TP73: variants seen among roughly 807,000 people sequenced by gnomAD.
TP73 encodes p53-like transcription factor.
In TP73, 25 loss-of-function variants were observed where a neutral mutation model predicts 62.5. The ratio of observed to expected loss-of-function variants is 0.40; its 90% confidence interval spans 0.29 to 0.56. The LOEUF (loss-of-function observed/expected upper bound fraction) is 0.56, where lower values mean the gene tolerates loss of function less well. Among genes scored for constraint, TP73 ranks in the 20% least tolerant of loss-of-function variants. The pLI, the probability that TP73 is intolerant of heterozygous loss-of-function variation, is 0.46. For synonymous variants in TP73, 423 were observed against 377.5 expected, an observed-to-expected ratio of 1.12 and a Z score of -1.40; for missense variants, 754 against 913.3, an observed-to-expected ratio of 0.83 and a Z score of 2.25.
At chr1:3,659,826 A>ATCACGT (rs1212202130) in intron 1 of TP73, among the ~76,000 whole-genome samples, 1 of 138,842 alleles carries the variant, frequency 7.2e-6, no homozygotes, top group African/African-American at 2.6e-5. Context: ...GGCATGCACC[A>ATCACGT]CCACTAATTT....
chr1:3,680,350 C>T (rs1176471232), intron 1 of TP73, among the ~76,000 whole-genome samples: 2 of 152,180 alleles, frequency 1.3e-5, no homozygotes, highest in African/African-American at 4.8e-5. Flanking sequence ...AGGAATGGTG[C>T]TGCTGTGAAG....
chr1:3,709,324 C>A (rs1639941292), intron 4 of TP73, among the ~76,000 whole-genome samples: 1 of 152,224 alleles, frequency 6.6e-6, no homozygotes, highest in Non-Finnish European at 1.5e-5. Flanking sequence ...GGCCTCCCAC[C>A]TCCATCTGGC....
At chr1:3,659,559 C>A (rs1457274412) in intron 1 of TP73, 1 of 152,124 alleles carries the variant, frequency 6.6e-6, no homozygotes, top group Non-Finnish European at 1.5e-5. Context: ...GATAACAAAA[C>A]CCCAAAGACG....
chr1:3,724,696 T>C (rs1049885648), intron 6 of TP73, among the ~76,000 whole-genome samples: 3 of 152,238 alleles, frequency 2.0e-5, no homozygotes, highest in Non-Finnish European at 4.4e-5. Context: ...CTGCCCACAT[T>C]GTGGTCTGGG....
intron 4 of TP73, among the ~76,000 whole-genome samples, chr1:3,721,402 T>C (rs1337424103): frequency 1.3e-5 from 2 of 152,178 alleles, no homozygotes; most frequent in African/African-American, 4.8e-5. Flanking sequence ...GCTCGGCTGC[T>C]CAGACTTGGT....
chr1:3,673,815 T>C (rs1268777653), intron 1 of TP73, among the ~76,000 whole-genome samples: 1 of 152,164 alleles, frequency 6.6e-6, no homozygotes, highest in Non-Finnish European at 1.5e-5. Flanking sequence ...TGAAGATAGA[T>C]GGACAGGCAG....
chr1:3,697,090 CACT>C (rs1369624528), intron 3 of TP73, among the ~76,000 whole-genome samples: 1 of 152,198 alleles, frequency 6.6e-6, no homozygotes, highest in East Asian at 1.9e-4. Context: ...GCCCTGGAGG[CACT>C]CTCCATGCCT....
Position 3,733,563 on chromosome 1 carries a change from A to C in TP73, c.*484A>C, listed in dbSNP as rs143136709. 1.9e-4 allele frequency: 32 copies of C among 166,348 alleles called. No individual in the cohort carries two copies. The highest frequency in any genetic ancestry group is 4.1e-4 in the Admixed American group (7 of 17,240). The allele number at this position is 166,348 out of a possible 1,614,324, so 10.3% of individuals were successfully genotyped here. On this transcript the variant is annotated 3_prime_UTR_variant, in exon 14 of 14. Transcript: ENST00000378295. ...GCAGCCAAGTGACTGTGTCTGAAAC[A>C]CCAGTGTATTTTCAGGGAATGTCCC...
intron 3 of TP73, among the ~76,000 whole-genome samples, chr1:3,695,828 T>C (rs966582051): frequency 1.3e-5 from 2 of 152,216 alleles, no homozygotes; most frequent in Non-Finnish European, 2.9e-5. Flanking sequence ...AGGAGCCGCC[T>C]GCAGGCTGGG....
chr1:3,711,829 T>C lies in TP73; in HGVS notation c.429+4038T>C, dbSNP rs1640164458. Among the ~76,000 whole-genome samples the C allele has an allele frequency of 3.5e-5, 5 of 141,656 alleles. No homozygotes were observed. The South Asian group carries it at 1.1e-3, about 32-fold the overall frequency. The allele number at this position is 141,656 out of a possible 152,430, so 92.9% of individuals were successfully genotyped here. Reference sequence around the variant, plus strand: ...GCTGCTCTCAGACTCAGCGTGTGTGTGTGCGCGAGCGTGTGTATGTGTGTG... The same window carrying C: ...GCTGCTCTCAGACTCAGCGTGTGTGCGTGCGCGAGCGTGTGTATGTGTGTG... On this transcript the variant is annotated intron_variant, in intron 4 of 13. Transcript: ENST00000378295.
At chr1:3,688,063 G>A (rs1208370719) in intron 3 of TP73, among the ~76,000 whole-genome samples, 1 of 152,166 alleles carries the variant, frequency 6.6e-6, no homozygotes, top group East Asian at 1.9e-4. Context: ...GACAGAGGGA[G>A]AAGGACACCC....
In TP73 at chr1:3,666,957, C is replaced by G. The variant is rs144993680; in HGVS notation, c.-34+14316C>G. Among the ~76,000 whole-genome samples, 4 of 152,252 alleles carry G rather than the reference C, an allele frequency of 2.6e-5. No individual in the cohort carries two copies. Among genetic ancestry groups the G allele is most frequent in the East Asian group, 1.9e-4 (1 of 5,180 alleles). On this transcript the variant is annotated intron_variant, in intron 1 of 13. Transcript: ENST00000378295. The surrounding 1 kb of genome is among the most constrained non-coding windows in gnomAD (Gnocchi z 6.4). ...TGTTATTTCCCATGGCAAAGGGGAC[C>G]GTGATTCAGCTATTTTGAGATGGGG...
chr1:3,695,089 G>C (rs76412586), intron 3 of TP73, among the ~76,000 whole-genome samples: 17,085 of 152,276 alleles, frequency 0.11, 1,242 homozygotes, highest in Admixed American at 0.17. Context: ...CACGTTCTGA[G>C]TCTGCGGCTC....
chr1:3,691,790 A>C (rs984866548), intron 3 of TP73, among the ~76,000 whole-genome samples: 13 of 152,212 alleles, frequency 8.5e-5, no homozygotes, highest in African/African-American at 3.1e-4. Flanking sequence ...AGCCATGGGC[A>C]GGGGGCAGCG....
chr1:3,688,599 T>C (rs1435716158), intron 3 of TP73, among the ~76,000 whole-genome samples: 1 of 152,156 alleles, frequency 6.6e-6, no homozygotes, highest in Non-Finnish European at 1.5e-5. Flanking sequence ...GAGGAGGCGC[T>C]AAGGGCCACG....
rs969571600 is a variant in TP73, at chr1:3,723,442, C to T, written c.705C>T (p.Ser235=). The change falls in exon 6 of 14, where the codon AGC becomes AGT. Residue 235 remains serine (S), a synonymous_variant. Transcript: ENST00000378295. The part of the protein sequence containing the change: ...YVDDPVTGRQ[S]VVVPYEPPQV... Reference sequence around the variant, plus strand: ...ATGACCCTGTCACCGGCAGGCAGAGCGTCGTGGTGCCCTATGAGCCACCAC... The same window carrying T: ...ATGACCCTGTCACCGGCAGGCAGAGTGTCGTGGTGCCCTATGAGCCACCAC... 1.1e-5 allele frequency: 17 copies of T among 1,612,022 alleles called. No homozygotes were observed. Among genetic ancestry groups the T allele is most frequent in the Admixed American group, 1.7e-5 (1 of 59,952 alleles).
At chr1:3,681,851 A>T (rs1055077582) in intron 1 of TP73, among the ~76,000 whole-genome samples, 1 of 151,558 alleles carries the variant, frequency 6.6e-6, no homozygotes, top group African/African-American at 2.4e-5. Context: ...GACACAGGGG[A>T]TCGTAACAGA....
intron 4 of TP73, among the ~76,000 whole-genome samples, chr1:3,717,173 C>T (rs900868411): frequency 1.1e-4 from 17 of 152,306 alleles, no homozygotes; most frequent in Middle Eastern, 3.4e-3. Context: ...CAAACCTGCC[C>T]GTGCCGGGCA....
intron 4 of TP73, among the ~76,000 whole-genome samples, chr1:3,711,846 A>ATGTGTGTGTGTGTGTGTG (rs3841787): frequency 2.7e-5 from 4 of 150,110 alleles, no homozygotes; most frequent in African/African-American, 9.8e-5. Flanking sequence ...GAGCGTGTGT[A>ATGTGTGTGTGTGTGTGTG]TGTGTGTGTG....
Sources: allele counts gnomAD v4.1 joint callset (sites outside exome capture counted in the v4.1 genomes callset), GRCh38; gene constraint gnomAD v4.1.1; non-coding constraint Gnocchi (gnomAD v3.1); transcripts MANE v1.5; gene names NCBI Gene and HGNC (gene_info 2026-07-23, HGNC 2026-07-21).